Variants in AGBL1 observed in about 807,000 individuals in gnomAD.
AGBL1 encodes the protein AGBL carboxypeptidase 1, also known as cytosolic carboxypeptidase 4.
AGBL1 carries 130 observed loss-of-function variants against 118.9 expected under a neutral mutation model. That is an observed-to-expected ratio of 1.09 (90% CI 0.95 to 1.26). The LOEUF is 1.26. Ranked by LOEUF, AGBL1 falls within the 50% of genes most tolerant of loss-of-function variation. The pLI is 0.00. For synonymous variants in AGBL1, 555 were observed against 478.9 expected, an observed-to-expected ratio of 1.16 and a Z score of -2.08; for missense variants, 1,584 against 1,298.1, an observed-to-expected ratio of 1.22 and a Z score of -3.38.
intron 1 of AGBL1, among the ~76,000 whole-genome samples, chr15:86,094,967 G>A (rs1896263167): frequency 6.6e-6 from 1 of 152,108 alleles, no homozygotes; most frequent in Non-Finnish European, 1.5e-5. Flanking sequence ...CCGACCAATT[G>A]GCTTCATAGC....
chr15:86,306,358 C>T (rs1249761701), intron 17 of AGBL1, among the ~76,000 whole-genome samples: 1 of 152,144 alleles, frequency 6.6e-6, no homozygotes, highest in Non-Finnish European at 1.5e-5. Context: ...TCTTTATCTT[C>T]ATGAGTTCAA....
At chr15:86,088,796 A>T (rs1394672753) in intron 1 of AGBL1, among the ~76,000 whole-genome samples, 4 of 152,236 alleles carry the variant, frequency 2.6e-5, no homozygotes. Context: ...CCTTGTACTC[A>T]GAGAGGATTT....
At chr15:86,491,530 C>A (rs761272801) in intron 18 of AGBL1, among the ~76,000 whole-genome samples, 9 of 151,928 alleles carry the variant, frequency 5.9e-5, no homozygotes, top group Non-Finnish European at 1.2e-4. Flanking sequence ...AGGCACTAGT[C>A]CAACAGAAGA....
At chr15:86,626,354 G>C (rs1224789986) in intron 21 of AGBL1, among the ~76,000 whole-genome samples, 1 of 152,158 alleles carries the variant, frequency 6.6e-6, no homozygotes, top group East Asian at 1.9e-4. Context: ...CATGTCCTTT[G>C]CAGGAACATG....
intron 1 of AGBL1, among the ~76,000 whole-genome samples, chr15:86,104,337 G>C (rs970617238): frequency 1.3e-5 from 2 of 152,138 alleles, no homozygotes; most frequent in African/African-American, 4.8e-5. Context: ...CCCTGCTGTT[G>C]GGTGGGTTGC....
At chr15:86,573,033 C>T (rs2084033201) in intron 21 of AGBL1, among the ~76,000 whole-genome samples, 1 of 152,092 alleles carries the variant, frequency 6.6e-6, no homozygotes, top group African/African-American at 2.4e-5. Flanking sequence ...TTTAGAATAC[C>T]TTGAATCCTG....
chr15:86,956,694 A>G (rs948547140), intron 23 of AGBL1, among the ~76,000 whole-genome samples: 27 of 152,156 alleles, frequency 1.8e-4, no homozygotes, highest in African/African-American at 6.5e-4. Context: ...CATCAAGGCT[A>G]GTATTTGACC....
At chr15:86,862,889 T>C (rs569531006) in intron 22 of AGBL1, among the ~76,000 whole-genome samples, 4 of 152,318 alleles carry the variant, frequency 2.6e-5, no homozygotes, top group Non-Finnish European at 5.9e-5. Flanking sequence ...AAATGCACTA[T>C]GTAAGGAAAA....
Position 86,613,100 on chromosome 15 carries a change from A to G in AGBL1, c.2994+58563A>G, listed in dbSNP as rs1317823038. ...ACAATCACTTTGGGCACATGTTCTC[A>G]GGACCACCTGAGGCTGTGTTACAGG... On this transcript the variant is annotated intron_variant, in intron 21 of 22. Transcript: ENST00000614907. The surrounding 1 kb of genome is among the most constrained non-coding windows in gnomAD (Gnocchi z 4.2). 6.6e-6 allele frequency among the ~76,000 whole-genome samples: 1 copy of G among 152,236 alleles called. No homozygotes were observed. Among genetic ancestry groups the G allele is most frequent in the Non-Finnish European group, 1.5e-5 (1 of 68,040 alleles).
chr15:86,267,311 A>G (rs2079090339), intron 13 of AGBL1, among the ~76,000 whole-genome samples: 1 of 43,002 alleles, frequency 2.3e-5, no homozygotes, highest in Non-Finnish European at 4.6e-5. Context: ...TCATAGCTAC[A>G]CTGATATCAT....
intron 18 of AGBL1, among the ~76,000 whole-genome samples, chr15:86,517,763 G>A (rs1396118451): frequency 1.3e-5 from 2 of 152,158 alleles, no homozygotes; most frequent in African/African-American, 4.8e-5. Flanking sequence ...TAGAACAACT[G>A]TAGCTTTGAA....
chr15:86,405,583 C>T (rs528377552), intron 18 of AGBL1, among the ~76,000 whole-genome samples: 115 of 152,150 alleles, frequency 7.6e-4, no homozygotes, highest in Non-Finnish European at 1.4e-3. Flanking sequence ...GGAAAAGTGG[C>T]TCTCATACGT....
chr15:86,437,566 T>G (rs1001180482), intron 18 of AGBL1, among the ~76,000 whole-genome samples: 1 of 152,210 alleles, frequency 6.6e-6, no homozygotes, highest in African/African-American at 2.4e-5. Context: ...CCAACTCAGC[T>G]GGGTCCCGCC....
chr15:86,717,388 A>G (rs1198384123), intron 22 of AGBL1, among the ~76,000 whole-genome samples: 3 of 152,202 alleles, frequency 2.0e-5, no homozygotes, highest in Non-Finnish European at 4.4e-5. Flanking sequence ...AGAATGCTCT[A>G]TAAACAGATT....
intron 21 of AGBL1, among the ~76,000 whole-genome samples, chr15:86,651,422 C>T (rs2085367451): frequency 1.3e-5 from 2 of 152,214 alleles, no homozygotes; most frequent in South Asian, 4.1e-4. Flanking sequence ...TAAAACTTCT[C>T]TCACTGTAGA....
chr15:86,688,655 C>T (rs557067568), intron 22 of AGBL1, among the ~76,000 whole-genome samples: 4 of 152,194 alleles, frequency 2.6e-5, no homozygotes, highest in Non-Finnish European at 4.4e-5. Context: ...CCAAATATTT[C>T]CCTATGAAGT....
chr15:87,017,283 C>A (rs941389718), intron 24 of AGBL1, among the ~76,000 whole-genome samples: 3 of 152,238 alleles, frequency 2.0e-5, no homozygotes, highest in Admixed American at 6.5e-5. Flanking sequence ...CCAAAAAAAA[C>A]CAGACTGCTT....
Position 86,714,836 on chromosome 15 carries a change from C to T in AGBL1, c.3158+40400C>T, listed in dbSNP as rs536094270. Reference sequence around the variant, plus strand: ...AGCAGGGAGCATCAAGGGAGGGGCCCCTGCTCAGCATCCCTCCTATTTGGA... The same window carrying T: ...AGCAGGGAGCATCAAGGGAGGGGCCTCTGCTCAGCATCCCTCCTATTTGGA... On this transcript the variant is annotated intron_variant, in intron 22 of 22. Transcript: ENST00000614907. Among the ~76,000 whole-genome samples, 4 of 152,252 alleles carry T rather than the reference C, an allele frequency of 2.6e-5. No homozygotes were observed. In the South Asian group the frequency reaches 8.3e-4, roughly 32 times the overall value.
intron 22 of AGBL1, among the ~76,000 whole-genome samples, chr15:86,840,634 G>A (rs2079231994): frequency 6.6e-6 from 1 of 151,934 alleles, no homozygotes; most frequent in Non-Finnish European, 1.5e-5. Flanking sequence ...TAGTACAGAC[G>A]GGGTTTCACC....
Sources: allele counts gnomAD v4.1 joint callset (sites outside exome capture counted in the v4.1 genomes callset), GRCh38; gene constraint gnomAD v4.1.1; non-coding constraint Gnocchi (gnomAD v3.1); transcripts MANE v1.5; gene names NCBI Gene and HGNC (gene_info 2026-07-23, HGNC 2026-07-21).